Variants in HOPX observed in about 807,000 individuals in gnomAD.
HOPX encodes homeodomain-only protein.
Under a neutral mutation model 11.8 loss-of-function variants are expected in HOPX, and 5 were observed. The observed-to-expected ratio is 0.43, with a 90% CI of 0.22 to 0.89. The LOEUF is 0.89. HOPX is among the 40% of genes least tolerant of loss of function. The probability of loss-of-function intolerance (pLI) is 0.28; values close to 1 mark genes in which losing one functional copy is unlikely to be tolerated. For missense variants in HOPX, 119 were observed against 120.0 expected, an observed-to-expected ratio of 0.99 and a Z score of 0.04; for synonymous variants, 49 against 49.7, an observed-to-expected ratio of 0.99 and a Z score of 0.06.
intron 1 of HOPX, among the ~76,000 whole-genome samples, chr4:56,666,852 A>G (rs531097637): frequency 1.3e-5 from 2 of 152,198 alleles, no homozygotes; most frequent in African/African-American, 2.4e-5. Context: ...GTGTGTAGAT[A>G]AGATCCCAGG....
At chr4:56,670,794 C>T (rs955737415) in intron 1 of HOPX, among the ~76,000 whole-genome samples, 7 of 152,032 alleles carry the variant, frequency 4.6e-5, no homozygotes, top group Admixed American at 2.6e-4. Flanking sequence ...GTCAGGAGTT[C>T]GAGACCAGCC....
chr4:56,666,959 A>C (rs998167241), intron 1 of HOPX, among the ~76,000 whole-genome samples: 6 of 152,254 alleles, frequency 3.9e-5, no homozygotes, highest in Non-Finnish European at 8.8e-5. Context: ...GTGAAATTTA[A>C]TAAGTTATTT....
At chr4:56,659,010 T>C (rs1717948040) in intron 1 of HOPX, 4 of 152,254 alleles carry the variant, frequency 2.6e-5, no homozygotes, top group Admixed American at 2.0e-4. Context: ...TCATTTATTT[T>C]AAAAATATCT....
upstream of HOPX, chr4:56,681,565 T>G (rs1458286258): frequency 1.0e-6 from 1 of 1,000,120 alleles, no homozygotes; most frequent in African/African-American, 1.7e-5. Flanking sequence ...CAAGCAAGCT[T>G]CTTCACCAAG....
At chr4:56,677,931 T>C (rs1377442816) in intron 1 of HOPX, among the ~76,000 whole-genome samples, 1 of 151,670 alleles carries the variant, frequency 6.6e-6, no homozygotes, top group Non-Finnish European at 1.5e-5. Flanking sequence ...TACACTGGGA[T>C]TCCTTTCAAT....
At chr4:56,662,477 C>CTT (rs1305463097) in intron 1 of HOPX, 1 of 108,742 alleles carries the variant, frequency 9.2e-6, no homozygotes. Context: ...TTCTTTCTTT[C>CTT]TTTCTTCTTT....
chr4:56,651,858 AAGAGAGAG>A (rs72305569), intron 3 of HOPX, among the ~76,000 whole-genome samples: 31 of 105,316 alleles, frequency 2.9e-4, no homozygotes, highest in African/African-American at 6.7e-4. Context: ...GAGAGAGAGA[AAGAGAGAG>A]AGAGAGAGTG....
chr4:56,661,349 T>G (rs1718112736), intron 1 of HOPX, among the ~76,000 whole-genome samples: 1 of 152,248 alleles, frequency 6.6e-6, no homozygotes, highest in South Asian at 2.1e-4. Flanking sequence ...AGATGTCTTT[T>G]CCTACTGGTG....
At chr4:56,651,426 T>C (rs1717160214) in intron 3 of HOPX, among the ~76,000 whole-genome samples, 1 of 152,200 alleles carries the variant, frequency 6.6e-6, no homozygotes, top group Non-Finnish European at 1.5e-5. Context: ...TTTAGAGCTG[T>C]ATCTTATCAA....
intron 3 of HOPX, among the ~76,000 whole-genome samples, chr4:56,654,526 T>A (rs1488331499): frequency 6.6e-6 from 1 of 152,212 alleles, no homozygotes; most frequent in African/African-American, 2.4e-5. Context: ...CCAAGAAACA[T>A]GAGCTGTTAG....
At chr4:56,671,724 C>T (rs1718744739) in intron 1 of HOPX, among the ~76,000 whole-genome samples, 1 of 152,078 alleles carries the variant, frequency 6.6e-6, no homozygotes, top group Non-Finnish European at 1.5e-5. Context: ...ACCAGAATGT[C>T]CAGCTCAGGG....
chr4:56,650,778 T>C (rs373094693), intron 3 of HOPX: 1 of 1,550,648 alleles, frequency 6.4e-7, no homozygotes, highest in African/African-American at 1.4e-5. Flanking sequence ...ACTTTCTGGG[T>C]GCCATATTTT....
chr4:56,671,179 T>A (rs1718718063), intron 1 of HOPX, among the ~76,000 whole-genome samples: 1 of 152,072 alleles, frequency 6.6e-6, no homozygotes, highest in Admixed American at 6.6e-5. Context: ...ATTGGTTTTT[T>A]TGAAAATATA....
At chr4:56,672,400 A>T (rs1466518129) in intron 1 of HOPX, among the ~76,000 whole-genome samples, 1 of 151,926 alleles carries the variant, frequency 6.6e-6, no homozygotes, top group African/African-American at 2.4e-5. Flanking sequence ...TTAGCCAGGC[A>T]TGGTGGCACA....
rs1578319182 is a variant in HOPX at position 56,648,465 on chromosome 4, C to A, written c.*255G>T. 1 of 360,916 alleles carries A rather than the reference C, an allele frequency of 2.8e-6. No individual in the cohort carries two copies. Among genetic ancestry groups the A allele is most frequent in the Non-Finnish European group, 5.0e-6 (1 of 201,786 alleles). 22.4% of individuals were successfully genotyped at this position (360,916 alleles called of 1,614,324 possible). On this transcript the variant is annotated 3_prime_UTR_variant, in exon 4 of 4. Transcript: ENST00000420433. ...TTTCACACCATCTGTCATCATGACTCAAAGGGAAATGCTAGCCACACCATT... is the reference window on the plus strand; with the variant it reads ...TTTCACACCATCTGTCATCATGACTAAAAGGGAAATGCTAGCCACACCATT...
Position 56,672,219 on chromosome 4 carries a change from C to G in HOPX, c.-84+9036G>C, listed in dbSNP as rs116099921. Among the ~76,000 whole-genome samples the G allele has an allele frequency of 2.9e-3, 444 of 152,048 alleles. 8 individuals carry two copies. Among genetic ancestry groups the G allele is most frequent in the Middle Eastern group, 0.01 (3 of 294 alleles). On this transcript the variant is annotated intron_variant, in intron 1 of 3. Transcript: ENST00000420433. ...ACCAATATCGAGAAATAAAATGCTT[C>G]TAGAATTTATAAAGCCAAGTTTAAG...
At chr4:56,661,338 T>C (rs2109504327) in intron 1 of HOPX, among the ~76,000 whole-genome samples, 1 of 152,358 alleles carries the variant, frequency 6.6e-6, no homozygotes, top group East Asian at 1.9e-4. Context: ...ATTTATGTAG[T>C]AGATGTCTTT....
intron 1 of HOPX, among the ~76,000 whole-genome samples, chr4:56,673,398 C>CA (rs959893447): frequency 1.9e-4 from 28 of 150,894 alleles, no homozygotes; most frequent in African/African-American, 1.2e-4. Flanking sequence ...TAAAGACAAA[C>CA]AAAAAAAAGG....
rs1716831681 is a variant in HOPX, at chr4:56,648,155, G to A, written c.*565C>T. ...TAGATGCTTGCTTTTTTGCCAGTTG[G>A]AGTTTCTGTCTTCTGGCCCAACAGG... On this transcript the variant is annotated 3_prime_UTR_variant, in exon 4 of 4. Coordinates refer to ENST00000420433, the MANE Select transcript of HOPX (RefSeq NM_032495.6). The A allele has an allele frequency of 6.6e-6, 1 of 152,024 alleles. No individual in the cohort carries two copies. The highest frequency in any genetic ancestry group is 2.4e-5 in the African/African-American group (1 of 41,398). The allele number at this position is 152,024 out of a possible 1,614,324, so 9.4% of individuals were successfully genotyped here. A position where few individuals can be genotyped will look rare whatever the true frequency, so the allele number is the denominator to read the frequency against.
Sources: gnomAD v4.1 joint callset for allele counts (sites outside exome capture counted in the v4.1 genomes callset) on GRCh38, gnomAD v4.1.1 for gene constraint, MANE v1.5 for transcripts, NCBI Gene and HGNC (gene_info 2026-07-23, HGNC 2026-07-21) for gene names.